SULF1: variants seen among roughly 807,000 people sequenced by gnomAD.
SULF1 encodes extracellular sulfatase Sulf-1.
Under a neutral mutation model 110.5 loss-of-function variants are expected in SULF1, and 46 were observed. The ratio of observed to expected loss-of-function variants is 0.42; its 90% CI spans 0.33 to 0.53. The LOEUF is 0.53. Among genes scored for constraint, SULF1 ranks in the 20% least tolerant of loss-of-function variants. SULF1 has a pLI of 0.12. For synonymous variants in SULF1, 371 were observed against 387.1 expected (o/e 0.96, Z 0.49); for missense variants, 941 against 1,094.2 (o/e 0.86, Z 1.98).
At chr8:69,612,197 C>T (rs1206495048) in intron 13 of SULF1, among the ~76,000 whole-genome samples, 1 of 152,108 alleles carries the variant, frequency 6.6e-6, no homozygotes, top group African/African-American at 2.4e-5. Context: ...CTTTTTATGC[C>T]TGAGTAGTGT....
At chr8:69,599,165 G>T (rs777803965) in intron 8 of SULF1, among the ~76,000 whole-genome samples, 2 of 152,038 alleles carry the variant, frequency 1.3e-5, no homozygotes, top group Non-Finnish European at 2.9e-5. Flanking sequence ...TGAAATCAAA[G>T]AACTCACAGT....
chr8:69,505,471 A>G (rs1024966595), intron 3 of SULF1, among the ~76,000 whole-genome samples: 4 of 152,122 alleles, frequency 2.6e-5, no homozygotes, highest in Admixed American at 6.6e-5. Context: ...GTTAATACCT[A>G]TTTGGGATGG....
intron 20 of SULF1, 34 bp downstream of exon 20, chr8:69,638,678 T>C: frequency 6.2e-7 from 1 of 1,612,262 alleles, no homozygotes; most frequent in South Asian, 1.1e-5. Context: ...ATGAAGGTTG[T>C]TGAAAATAGG....
intron 1 of SULF1, among the ~76,000 whole-genome samples, chr8:69,480,531 C>T (rs567984281): frequency 6.6e-6 from 1 of 152,146 alleles, no homozygotes; most frequent in African/African-American, 2.4e-5. Flanking sequence ...TGGAACTTTC[C>T]CAAGAGAAGT....
intron 3 of SULF1, among the ~76,000 whole-genome samples, chr8:69,527,518 T>A (rs1027867332): frequency 6.6e-5 from 10 of 152,022 alleles, no homozygotes; most frequent in African/African-American, 2.4e-4. Flanking sequence ...AGGATGGTGG[T>A]GTCAGCGGGG....
At chr8:69,568,022 T>C (rs1816022389) in intron 5 of SULF1, among the ~76,000 whole-genome samples, 1 of 152,224 alleles carries the variant, frequency 6.6e-6, no homozygotes, top group Admixed American at 6.5e-5. Context: ...TTGTTTTTAA[T>C]AGTAGCCATC....
chr8:69,527,125 G>C (rs541728572), intron 3 of SULF1, among the ~76,000 whole-genome samples: 2 of 152,020 alleles, frequency 1.3e-5, no homozygotes, highest in Non-Finnish European at 2.9e-5. Context: ...CTCTCTATCT[G>C]CTTTGCCTAG....
chr8:69,651,136 C>G (rs969591302), intron 22 of SULF1, among the ~76,000 whole-genome samples: 4 of 150,532 alleles, frequency 2.7e-5, no homozygotes, highest in African/African-American at 9.9e-5. Context: ...TCACTGTAAC[C>G]TCCACTTTCT....
chr8:69,615,258 AT>A (rs1809003290), intron 13 of SULF1, among the ~76,000 whole-genome samples: 1 of 152,218 alleles, frequency 6.6e-6, no homozygotes, highest in African/African-American at 2.4e-5. Context: ...TTTCAGAGCA[AT>A]TCTTTTAAAA....
Position 69,569,763 on chromosome 8 carries a change from G to A in SULF1, c.172+5616G>A, listed in dbSNP as rs189368273. ...CCTTGTGCTCTTTTGGAGGGGCCAG[G>A]AGGAAATGATGAGTCTTAGTGATCT... On this transcript the variant is annotated intron_variant, in intron 5 of 22. Coordinates refer to ENST00000402687, the MANE Select transcript of SULF1 (RefSeq NM_001128205.2). Among the ~76,000 whole-genome samples the A allele has an allele frequency of 2.7e-4, 41 of 152,280 alleles. 1 individual carries two copies. Among genetic ancestry groups the A allele is most frequent in the Admixed American group, 2.6e-3 (39 of 15,286 alleles).
intron 22 of SULF1, among the ~76,000 whole-genome samples, chr8:69,642,708 T>A (rs1272134259): frequency 6.6e-6 from 1 of 152,222 alleles, no homozygotes; most frequent in African/African-American, 2.4e-5. Flanking sequence ...CAGTCTAGTG[T>A]CATGAAAGAG....
At chr8:69,472,155 A>G (rs1005305485) in intron 1 of SULF1, among the ~76,000 whole-genome samples, 2 of 152,168 alleles carry the variant, frequency 1.3e-5, no homozygotes, top group African/African-American at 4.8e-5. Flanking sequence ...AGGATAATAA[A>G]GAGCAGGCCC....
chr8:69,487,490 T>A (rs1010840437), intron 1 of SULF1, among the ~76,000 whole-genome samples: 4 of 152,200 alleles, frequency 2.6e-5, no homozygotes, highest in East Asian at 3.8e-4. Flanking sequence ...ACTGTATGTA[T>A]GTTGGTAAAA....
In SULF1 at chr8:69,601,791, T is replaced by C. The variant is rs760701433; in HGVS notation, c.1023T>C (p.Pro341=). ...SMPYDFDIRV[P]FFIRGPSVEP... The stretch of plus-strand genomic sequence containing the variant: ...CATATGACTTTGATATTCGTGTGCC[T>C]TTTTTTATTCGTGGTCCAAGTGTAG... Residue 341 remains proline, a synonymous_variant, in exon 10 of 23, where the codon CCT becomes CCC. Coordinates refer to ENST00000402687, the MANE Select transcript of SULF1 (RefSeq NM_001128205.2). 1 of 1,606,010 alleles carries C rather than the reference T, an allele frequency of 6.2e-7. No homozygotes were observed. Among genetic ancestry groups the C allele is most frequent in the Non-Finnish European group, 8.5e-7 (1 of 1,176,330 alleles).
chr8:69,477,199 G>T (rs1175062655), intron 1 of SULF1, among the ~76,000 whole-genome samples: 1 of 152,112 alleles, frequency 6.6e-6, no homozygotes, highest in East Asian at 1.9e-4. Context: ...AGAATACAAT[G>T]CAGTCAAAAC....
At chr8:69,504,894 T>C (rs1811073644) in intron 3 of SULF1, among the ~76,000 whole-genome samples, 1 of 152,190 alleles carries the variant, frequency 6.6e-6, no homozygotes, top group Non-Finnish European at 1.5e-5. Context: ...TGGACAATCA[T>C]GTTTATAAAA....
chr8:69,658,685 T>G lies in SULF1; in HGVS notation c.*150T>G, dbSNP rs1203122685. 1 of 731,524 alleles carries G rather than the reference T, an allele frequency of 1.4e-6. No individual in the cohort carries two copies. Among genetic ancestry groups the G allele is most frequent in the Non-Finnish European group, 2.5e-6 (1 of 403,592 alleles). The allele number at this position is 731,524 out of a possible 1,614,324, so 45.3% of individuals were successfully genotyped here. A position where few individuals can be genotyped will look rare whatever the true frequency, so the allele number is the denominator to read the frequency against. On this transcript the variant is annotated 3_prime_UTR_variant, in exon 23 of 23. Transcript: ENST00000402687. ...AAGGATTTAGATAGAGTATTTGCAC[T>G]GCTGAAGAGTCACTATGAGCAAAAT...
chr8:69,627,839 C>A lies in SULF1; in HGVS notation c.2015C>A (p.Pro672His). The change falls in exon 17 of 23, where the codon CCT (proline) becomes CAT (histidine). Residue 672 changes from proline (P) to histidine (H), a missense_variant. Pro to His is a moderately conservative substitution (Grantham distance 77). This residue lies in a region of SULF1 where 822 missense variants were observed against 934.3 expected (regional missense o/e 0.88). Transcript: ENST00000402687. The stretch of plus-strand genomic sequence containing the variant: ...AGAGGACATCTGAAGAGAAGGAAGC[C>A]TGAGGAATGTAGCTGCAGTAAACAA... Reference protein sequence around the residue: ...EVRGHLKRRKPEECSCSKQSY... With the variant: ...EVRGHLKRRKHEECSCSKQSY... 6.2e-7 allele frequency: 1 copy of A among 1,613,344 alleles called. No homozygotes were observed. The highest frequency in any genetic ancestry group is 8.5e-7 in the Non-Finnish European group (1 of 1,179,704).
intron 3 of SULF1, among the ~76,000 whole-genome samples, chr8:69,536,975 G>A (rs569307351): frequency 1.3e-5 from 2 of 152,268 alleles, no homozygotes; most frequent in African/African-American, 4.8e-5. Flanking sequence ...CCTTGGAAAA[G>A]CTATTCAACC....
Sources: allele counts gnomAD v4.1 joint callset (sites outside exome capture counted in the v4.1 genomes callset), GRCh38; gene constraint gnomAD v4.1.1; regional missense constraint gnomAD v4.1.1; transcripts MANE v1.5; gene names NCBI Gene and HGNC (gene_info 2026-07-23, HGNC 2026-07-21).